Variants in ULK4 observed in about 807,000 individuals in gnomAD.
The protein encoded by ULK4 is unc-51 like kinase 4.
In ULK4, 133 loss-of-function variants were observed where a neutral mutation model predicts 160.6. The observed-to-expected ratio is 0.83, with a 90% CI of 0.72 to 0.96. The LOEUF (loss-of-function observed/expected upper bound fraction) is 0.96, where lower values mean the gene tolerates loss of function less well. Ranked by LOEUF, ULK4 falls within the 40% of genes least tolerant of loss-of-function variation. The pLI is 0.00. For synonymous variants in ULK4, 534 were observed against 539.8 expected (o/e 0.99, Z 0.15); for missense variants, 1,580 against 1,499.5 (o/e 1.05, Z -0.89).
chr3:41,263,081 T>C (rs1223790265), intron 35 of ULK4, among the ~76,000 whole-genome samples: 1 of 152,200 alleles, frequency 6.6e-6, no homozygotes, highest in Non-Finnish European at 1.5e-5. Context: ...AGCATAGATT[T>C]CTAAGGCACT....
chr3:41,474,387 C>T (rs972389503), intron 32 of ULK4, among the ~76,000 whole-genome samples: 3 of 152,082 alleles, frequency 2.0e-5, no homozygotes, highest in African/African-American at 7.2e-5. Flanking sequence ...AGACATAAGA[C>T]CTGACACTGA....
chr3:41,505,000 A>G (rs2085330127), intron 32 of ULK4, among the ~76,000 whole-genome samples: 1 of 152,172 alleles, frequency 6.6e-6, no homozygotes, highest in African/African-American at 2.4e-5. Context: ...GAAGAAGTTC[A>G]GACATGTGCC....
At chr3:41,305,085 G>C (rs2079878761) in intron 35 of ULK4, among the ~76,000 whole-genome samples, 1 of 152,170 alleles carries the variant, frequency 6.6e-6, no homozygotes, top group Admixed American at 6.5e-5. Flanking sequence ...ATGGTGGAGA[G>C]AAAAGAGATG....
chr3:41,869,526 G>A (rs1262738421), intron 17 of ULK4, among the ~76,000 whole-genome samples: 2 of 152,184 alleles, frequency 1.3e-5, no homozygotes, highest in African/African-American at 2.4e-5. Flanking sequence ...GGTGCAATGA[G>A]CCAAGATTAT....
intron 8 of ULK4, among the ~76,000 whole-genome samples, chr3:41,915,632 A>G (rs373676641): frequency 6.6e-6 from 1 of 152,184 alleles, no homozygotes; most frequent in East Asian, 1.9e-4. Flanking sequence ...GTCAATAGTC[A>G]AACAGTTTTA....
chr3:41,806,222 T>C (rs1433583228), intron 19 of ULK4, among the ~76,000 whole-genome samples: 3 of 149,240 alleles, frequency 2.0e-5, no homozygotes, highest in Non-Finnish European at 3.0e-5. Flanking sequence ...GGAGGGTGTA[T>C]GTGTCGAGGA....
intron 17 of ULK4, among the ~76,000 whole-genome samples, chr3:41,846,432 G>A (rs558295261): frequency 3.9e-5 from 6 of 152,188 alleles, no homozygotes; most frequent in African/African-American, 1.2e-4. Flanking sequence ...AGGAATATGT[G>A]GATATTGTTA....
chr3:41,943,383 T>C (rs1700019268), intron 2 of ULK4, among the ~76,000 whole-genome samples: 1 of 152,126 alleles, frequency 6.6e-6, no homozygotes, highest in African/African-American at 2.4e-5. Flanking sequence ...CACCAAAATC[T>C]CTGTTACACA....
At chr3:41,514,143 CATTTTGGAGGAAGAGGTAGATTTTG>C (rs2085675861) in intron 32 of ULK4, among the ~76,000 whole-genome samples, 1 of 151,536 alleles carries the variant, frequency 6.6e-6, no homozygotes, top group Non-Finnish European at 1.5e-5. Flanking sequence ...AAAAGGAAAC[CATTTTGGAGGAAGAGGTAGATTTTG>C]CTTGAAACAG....
intron 17 of ULK4, among the ~76,000 whole-genome samples, chr3:41,866,301 T>C (rs146727686): frequency 6.6e-6 from 1 of 152,346 alleles, no homozygotes; most frequent in Non-Finnish European, 1.5e-5. Flanking sequence ...TGATGTTGAC[T>C]GAATATAATT....
intron 35 of ULK4, among the ~76,000 whole-genome samples, chr3:41,283,349 T>C (rs2079395999): frequency 6.6e-6 from 1 of 152,204 alleles, no homozygotes; most frequent in African/African-American, 2.4e-5. Context: ...CATGCACACA[T>C]ATGTTTATTG....
intron 19 of ULK4, among the ~76,000 whole-genome samples, chr3:41,802,485 G>C (rs552111781): frequency 6.6e-6 from 1 of 152,194 alleles, no homozygotes; most frequent in East Asian, 1.9e-4. Context: ...TTTTAACAGA[G>C]ATGAGGTCTC....
intron 29 of ULK4, among the ~76,000 whole-genome samples, chr3:41,674,831 A>G (rs924564703): frequency 6.6e-6 from 1 of 152,244 alleles, no homozygotes; most frequent in Non-Finnish European, 1.5e-5. Flanking sequence ...CACATGAGAC[A>G]GCAAAGATAT....
intron 32 of ULK4, among the ~76,000 whole-genome samples, chr3:41,546,167 T>A (rs147892365): frequency 2.0e-4 from 31 of 152,324 alleles, no homozygotes; most frequent in African/African-American, 7.2e-4. Context: ...TGGTTTATGC[T>A]AGTCACTGTG....
intron 35 of ULK4, among the ~76,000 whole-genome samples, chr3:41,280,771 A>T (rs2079335543): frequency 6.6e-6 from 1 of 152,204 alleles, no homozygotes; most frequent in Non-Finnish European, 1.5e-5. Context: ...GAGCAAACAC[A>T]TTCAAAAGCT....
chr3:41,417,886 A>G (rs1386432195), intron 34 of ULK4, among the ~76,000 whole-genome samples: 1 of 152,220 alleles, frequency 6.6e-6, no homozygotes, highest in Non-Finnish European at 1.5e-5. Flanking sequence ...AGTTAAAGCC[A>G]CTTGAAAAAC....
In ULK4 at chr3:41,775,202, C is replaced by A. The variant is rs2039561649; in HGVS notation, c.2193+14459G>T. ...AAACGTGCACGTTGTGCACATGTAC[C>A]CTAAAAGTATAATAATAATAAAAGT... is the stretch of plus-strand genomic sequence containing the variant. On this transcript the variant is annotated intron_variant, in intron 21 of 36. Coordinates refer to ENST00000301831, the MANE Select transcript of ULK4 (RefSeq NM_017886.4). Among the ~76,000 whole-genome samples the A allele has an allele frequency of 1.3e-5, 2 of 149,194 alleles. 1 individual carries two copies. The highest frequency in any genetic ancestry group is 5.1e-5 in the African/African-American group (2 of 39,308).
At chr3:41,346,467 T>C (rs2080801833) in intron 35 of ULK4, among the ~76,000 whole-genome samples, 1 of 152,146 alleles carries the variant, frequency 6.6e-6, no homozygotes, top group African/African-American at 2.4e-5. Flanking sequence ...CTGCAGAAAG[T>C]GAGCTCGGCA....
intron 34 of ULK4, among the ~76,000 whole-genome samples, chr3:41,422,614 A>C (rs2082687024): frequency 6.6e-6 from 1 of 151,978 alleles, no homozygotes; most frequent in Non-Finnish European, 1.5e-5. Context: ...CTATAGCCGC[A>C]GTCCAAATTG....
Sources: gnomAD v4.1 joint callset for allele counts (sites outside exome capture counted in the v4.1 genomes callset) on GRCh38, gnomAD v4.1.1 for gene constraint, MANE v1.5 for transcripts, NCBI Gene and HGNC (gene_info 2026-07-23, HGNC 2026-07-21) for gene names.